The following NBEA variants were observed in gnomAD, a reference collection of about 807,000 sequenced individuals.
NBEA encodes lysosomal-trafficking regulator 2.
NBEA carries 44 observed loss-of-function variants against 343.4 expected under a neutral mutation model. The observed-to-expected ratio is 0.13, with a 90% CI of 0.10 to 0.16. The LOEUF is 0.16. Among genes scored for constraint, NBEA ranks in the 10% least tolerant of loss-of-function variants. The pLI is 1.00. For missense variants in NBEA, 2,555 were observed against 3,631.3 expected (o/e 0.70, Z 7.62); for synonymous variants, 1,175 against 1,238.7 (o/e 0.95, Z 1.08).
intron 38 of NBEA, among the ~76,000 whole-genome samples, chr13:35,379,271 G>C (rs977438104): frequency 6.6e-6 from 1 of 152,080 alleles, no homozygotes; most frequent in South Asian, 2.1e-4. Flanking sequence ...GGAGTATGAT[G>C]TATTGCCTTA....
At chr13:35,560,653 C>A (rs1307283238) in intron 44 of NBEA, among the ~76,000 whole-genome samples, 1 of 152,196 alleles carries the variant, frequency 6.6e-6, no homozygotes, top group East Asian at 1.9e-4. Flanking sequence ...GTAGATCCCA[C>A]AGGGTGCCTG....
intron 46 of NBEA, among the ~76,000 whole-genome samples, chr13:35,586,375 G>T (rs751807007): frequency 2.6e-5 from 4 of 152,160 alleles, no homozygotes; most frequent in Non-Finnish European, 4.4e-5. Flanking sequence ...GATTCTGTTT[G>T]AGCACAGATT....
At chr13:35,217,982 T>A (rs1295723818) in intron 33 of NBEA, among the ~76,000 whole-genome samples, 1 of 152,120 alleles carries the variant, frequency 6.6e-6, no homozygotes, top group Admixed American at 6.6e-5. Flanking sequence ...AGGGACTCTG[T>A]TCTGCAAATT....
intron 45 of NBEA, among the ~76,000 whole-genome samples, chr13:35,572,776 C>T (rs2080502717): frequency 6.6e-6 from 1 of 151,992 alleles, no homozygotes; most frequent in Non-Finnish European, 1.5e-5. Context: ...CTCTGTCACC[C>T]AGGCTGGAGT....
At chr13:35,186,805 C>T (rs1646262248) in intron 30 of NBEA, 1 of 152,088 alleles carries the variant, frequency 6.6e-6, no homozygotes, top group Admixed American at 6.6e-5. Flanking sequence ...AGAAAAGTTA[C>T]AAGTGTAATA....
chr13:35,286,088 T>C (rs2035404381), intron 34 of NBEA, among the ~76,000 whole-genome samples: 1 of 152,114 alleles, frequency 6.6e-6, no homozygotes, highest in Non-Finnish European at 1.5e-5. Flanking sequence ...TTACTACCCT[T>C]CCTGTGCTTC....
At chr13:35,202,994 C>T (rs963890609) in intron 31 of NBEA, among the ~76,000 whole-genome samples, 1 of 152,114 alleles carries the variant, frequency 6.6e-6, no homozygotes, top group Non-Finnish European at 1.5e-5. Context: ...AATCACTTCT[C>T]ACCAGGTTTT....
At chr13:35,650,023 G>C (rs969732671) in intron 52 of NBEA, among the ~76,000 whole-genome samples, 176 bp downstream of exon 52, 1 of 152,164 alleles carries the variant, frequency 6.6e-6, no homozygotes, top group South Asian at 2.1e-4. Context: ...CTTCATTTCT[G>C]CTGTATGTTA....
At chr13:35,613,445 A>G (rs1226397749) in intron 48 of NBEA, among the ~76,000 whole-genome samples, 1 of 152,020 alleles carries the variant, frequency 6.6e-6, no homozygotes, top group Non-Finnish European at 1.5e-5. Context: ...AAATCCATTC[A>G]TTCGTTGGTA....
intron 31 of NBEA, among the ~76,000 whole-genome samples, chr13:35,208,383 A>G (rs2073539339): frequency 6.6e-6 from 1 of 152,080 alleles, no homozygotes; most frequent in South Asian, 2.1e-4. Context: ...GCAAAGGCAA[A>G]ATCTCCTAAC....
intron 55 of NBEA, among the ~76,000 whole-genome samples, chr13:35,658,549 T>C (rs147605531): frequency 1.3e-5 from 2 of 152,282 alleles, no homozygotes; most frequent in African/African-American, 4.8e-5. Flanking sequence ...TTCTAGAGTT[T>C]ACAAGAATCT....
At chr13:35,326,602 T>G (rs2152844568) in intron 36 of NBEA, among the ~76,000 whole-genome samples, 1 of 152,178 alleles carries the variant, frequency 6.6e-6, no homozygotes, top group South Asian at 2.1e-4. Flanking sequence ...TTAGGCTTCT[T>G]CTTTTTCTAT....
chr13:35,387,284 G>T (rs1286099789), intron 38 of NBEA, among the ~76,000 whole-genome samples: 4 of 152,074 alleles, frequency 2.6e-5, no homozygotes, highest in African/African-American at 7.2e-5. Context: ...TTCAAAGAAG[G>T]TCAGAGCCTC....
intron 41 of NBEA, among the ~76,000 whole-genome samples, chr13:35,546,609 G>A (rs2079072384): frequency 6.6e-6 from 1 of 151,252 alleles, no homozygotes; most frequent in African/African-American, 2.4e-5. Flanking sequence ...CTGGAGTGCA[G>A]TGGCATGATC....
chr13:35,596,176 A>G (rs1752509), intron 47 of NBEA, among the ~76,000 whole-genome samples: 132,815 of 151,946 alleles, frequency 0.87, 58,877 homozygotes, highest in East Asian at 0.97. Context: ...TCAGAATTTG[A>G]GGTCCTCATG....
At chr13:35,171,477 A>C (rs768403861) in intron 26 of NBEA, 25 bp downstream of exon 26, 2 of 1,574,140 alleles carry the variant, frequency 1.3e-6, no homozygotes, top group Middle Eastern at 3.4e-4. Context: ...ACAATAGTGC[A>C]TGTCAAATAA....
chr13:35,167,913 G>C (rs1037201772), intron 24 of NBEA, among the ~76,000 whole-genome samples: 3 of 151,792 alleles, frequency 2.0e-5, no homozygotes, highest in Non-Finnish European at 4.4e-5. Context: ...ATATTATGGA[G>C]CTTAATTCAG....
At chr13:35,471,436 C>T (rs2075644055) in intron 40 of NBEA, among the ~76,000 whole-genome samples, 1 of 152,192 alleles carries the variant, frequency 6.6e-6, no homozygotes, top group African/African-American at 2.4e-5. Context: ...TTATGATGCG[C>T]CCTTGCTACC....
intron 33 of NBEA, among the ~76,000 whole-genome samples, chr13:35,229,904 A>G (rs2074873902): frequency 6.6e-6 from 1 of 152,150 alleles, no homozygotes; most frequent in African/African-American, 2.4e-5. Flanking sequence ...TTTCTTCACT[A>G]TGAAAAATGA....
Sources: gnomAD v4.1 joint callset for allele counts (sites outside exome capture counted in the v4.1 genomes callset) on GRCh38, gnomAD v4.1.1 for gene constraint, MANE v1.5 for transcripts, NCBI Gene and HGNC (gene_info 2026-07-23, HGNC 2026-07-21) for gene names.